The following BCL2 variants were observed in gnomAD, a reference collection of about 807,000 sequenced individuals.
The protein encoded by BCL2 is apoptosis regulator Bcl-2.
In BCL2, 1 loss-of-function variant was observed where a neutral mutation model predicts 14.2. The observed-to-expected ratio is 0.07, with a 90% CI of 0.02 to 0.33. The LOEUF (loss-of-function observed/expected upper bound fraction) is 0.33, where lower values mean the gene tolerates loss of function less well. Among genes scored for constraint, BCL2 ranks in the 10% least tolerant of loss-of-function variants. The pLI is 0.99. For synonymous variants in BCL2, 151 were observed against 137.2 expected (o/e 1.10, Z -0.70); for missense variants, 247 against 305.9 (o/e 0.81, Z 1.44).
chr18:63,127,168 G>A lies in BCL2; in HGVS notation c.*1457C>T, dbSNP rs371452924. On this transcript the variant is annotated 3_prime_UTR_variant, in exon 3 of 3. Coordinates refer to ENST00000333681, the MANE Select transcript of BCL2 (RefSeq NM_000633.3). ...TTTTACATGTAATTCCATAGACAGGGGTCAATTAATCCATGACACCTCACT... is the reference window on the plus strand; with the variant it reads ...TTTTACATGTAATTCCATAGACAGGAGTCAATTAATCCATGACACCTCACT... 1 of 229,386 alleles carries A rather than the reference G, an allele frequency of 4.4e-6. No homozygotes were observed. The highest frequency in any genetic ancestry group is 1.8e-4 in the South Asian group (1 of 5,488). 14.2% of individuals were successfully genotyped at this position (229,386 alleles called of 1,614,324 possible). A position where few individuals can be genotyped will look rare whatever the true frequency, so the allele number is the denominator to read the frequency against.
At chr18:63,224,277 AAC>A (rs1910486136) in intron 2 of BCL2, among the ~76,000 whole-genome samples, 1 of 152,208 alleles carries the variant, frequency 6.6e-6, no homozygotes, top group East Asian at 1.9e-4. Context: ...TTACAGAGAG[AAC>A]ACAGTCTTGA....
rs1568222427 is a variant in BCL2, at chr18:63,169,300, CTTT to C, written c.586-40544_586-40542del. Among the ~76,000 whole-genome samples, 8 of 76,694 alleles carry C rather than the reference CTTT, an allele frequency of 1.0e-4. 2 individuals are homozygous for C. Among genetic ancestry groups the C allele is most frequent in the South Asian group, 5.2e-4 (1 of 1,920 alleles). The allele number at this position is 76,694 out of a possible 152,430, so 50.3% of individuals were successfully genotyped here. Reference sequence around the variant, plus strand: ...TCTTTCTTTCTTTCTTTCTTTCTTTCTTTCTTTCTTCCTTCCTTCCTTCTTTCC... The same window carrying C: ...TCTTTCTTTCTTTCTTTCTTTCTTTCCTTTCTTCCTTCCTTCCTTCTTTCC... On this transcript the variant is annotated intron_variant, in intron 2 of 2. Transcript: ENST00000333681.
chr18:63,246,682 C>T (rs957302028), intron 2 of BCL2, among the ~76,000 whole-genome samples: 1 of 152,174 alleles, frequency 6.6e-6, no homozygotes, highest in African/African-American at 2.4e-5. Context: ...CACCATCCTC[C>T]CCAGTTACAC....
chr18:63,304,273 T>G (rs780153091), intron 2 of BCL2, among the ~76,000 whole-genome samples: 4 of 152,230 alleles, frequency 2.6e-5, no homozygotes, highest in African/African-American at 9.6e-5. Flanking sequence ...CCTAGAACAA[T>G]GATTGGCCCA....
At chr18:63,246,062 A>G (rs543651037) in intron 2 of BCL2, among the ~76,000 whole-genome samples, 48 of 152,312 alleles carry the variant, frequency 3.2e-4, no homozygotes, top group South Asian at 1.0e-3. Flanking sequence ...GGTTTTTGAA[A>G]AGTTCACACT....
rs376975924 is a variant in BCL2, at chr18:63,283,845, T to C, written c.585+34237A>G. Among the ~76,000 whole-genome samples the C allele has an allele frequency of 3.3e-5, 5 of 152,332 alleles. No homozygotes were observed. The South Asian group carries it at 1.0e-3, about 32-fold the overall frequency. On this transcript the variant is annotated intron_variant, in intron 2 of 2. Transcript: ENST00000333681. ...CAGAGGAAGCAAAGACACATTCAAA[T>C]GTGAGACTCAACTGCTCCCCGAGGA...
chr18:63,193,669 C>T (rs144691583), intron 2 of BCL2, among the ~76,000 whole-genome samples: 82 of 150,218 alleles, frequency 5.5e-4, no homozygotes, highest in Non-Finnish European at 8.3e-4. Flanking sequence ...CATATATATA[C>T]ACACACACAC....
At chr18:63,239,701 C>T (rs7232529) in intron 2 of BCL2, among the ~76,000 whole-genome samples, 116,659 of 151,330 alleles carry the variant, frequency 0.77, 47,148 homozygotes, top group Non-Finnish European at 0.9. Flanking sequence ...GATCGCGCCA[C>T]TGCACTCCAG....
intron 2 of BCL2, among the ~76,000 whole-genome samples, chr18:63,298,214 T>C (rs1210159040): frequency 2.0e-5 from 3 of 152,208 alleles, no homozygotes; most frequent in Admixed American, 6.5e-5. Flanking sequence ...TCCTTTGTTA[T>C]GACAAGAGTT....
intron 2 of BCL2, among the ~76,000 whole-genome samples, chr18:63,144,899 T>G (rs1055797654): frequency 2.6e-5 from 4 of 152,170 alleles, no homozygotes; most frequent in African/African-American, 9.7e-5. Context: ...CTGGGCACTG[T>G]GCAAGGCTGG....
chr18:63,249,838 GTTTC>G (rs1465817155), intron 2 of BCL2, among the ~76,000 whole-genome samples: 36 of 151,630 alleles, frequency 2.4e-4, no homozygotes, highest in Non-Finnish European at 4.1e-4. Context: ...AAAAATGGTA[GTTTC>G]AGGCACCACT....
intron 2 of BCL2, among the ~76,000 whole-genome samples, chr18:63,303,576 G>C (rs978207101): frequency 6.6e-6 from 1 of 152,098 alleles, no homozygotes; most frequent in African/African-American, 2.4e-5. Flanking sequence ...ACATCACTTG[G>C]ATTGCCTAAA....
chr18:63,285,066 G>A (rs1379857651), intron 2 of BCL2, among the ~76,000 whole-genome samples: 1 of 152,188 alleles, frequency 6.6e-6, no homozygotes, highest in African/African-American at 2.4e-5. Context: ...TCCCTACCTC[G>A]CTGTCCTTCA....
At chr18:63,250,883 AT>A (rs1433789826) in intron 2 of BCL2, among the ~76,000 whole-genome samples, 2 of 152,202 alleles carry the variant, frequency 1.3e-5, no homozygotes, top group Non-Finnish European at 2.9e-5. Flanking sequence ...GCTTATTACA[AT>A]CACTAACATG....
At chr18:63,261,965 A>G (rs1026701301) in intron 2 of BCL2, among the ~76,000 whole-genome samples, 3 of 152,054 alleles carry the variant, frequency 2.0e-5, no homozygotes, top group Non-Finnish European at 4.4e-5. Flanking sequence ...TTTTTAGTAG[A>G]GACAATGTTT....
intron 2 of BCL2, chr18:63,313,656 G>A (rs1913404647): frequency 6.6e-6 from 1 of 152,164 alleles, no homozygotes; most frequent in African/African-American, 2.4e-5. Flanking sequence ...CACAATGAGT[G>A]ACCTTAGAAA....
At chr18:63,215,876 G>A (rs958733261) in intron 2 of BCL2, among the ~76,000 whole-genome samples, 2 of 151,798 alleles carry the variant, frequency 1.3e-5, no homozygotes, top group Non-Finnish European at 1.5e-5. Flanking sequence ...TTTCCTTATA[G>A]GTACTATTGG....
At chr18:63,174,286 ACCC>A (rs1355639617) in intron 2 of BCL2, among the ~76,000 whole-genome samples, 3 of 152,166 alleles carry the variant, frequency 2.0e-5, no homozygotes, top group African/African-American at 7.2e-5. Flanking sequence ...AAGACTATGA[ACCC>A]AAAACTCAAT....
At chr18:63,164,728 T>C (rs1004695501) in intron 2 of BCL2, among the ~76,000 whole-genome samples, 2 of 152,220 alleles carry the variant, frequency 1.3e-5, no homozygotes. Context: ...AATCATTCCA[T>C]GCATTTGAAA....
Sources: allele counts gnomAD v4.1 joint callset (sites outside exome capture counted in the v4.1 genomes callset), GRCh38; gene constraint gnomAD v4.1.1; transcripts MANE v1.5; gene names NCBI Gene and HGNC (gene_info 2026-07-23, HGNC 2026-07-21).